Variants in CD96 observed in about 807,000 individuals in gnomAD.
CD96 encodes the protein CD96 molecule.
CD96 carries 70 observed loss-of-function variants against 71.3 expected under a neutral mutation model. That is an observed-to-expected ratio of 0.98 (90% confidence interval 0.81 to 1.20). The LOEUF (loss-of-function observed/expected upper bound fraction) is 1.20. Among genes scored for constraint, CD96 ranks in the 50% most tolerant of loss-of-function variants. The probability of loss-of-function intolerance (pLI) is 0.00; values close to 1 mark genes in which losing one functional copy is unlikely to be tolerated. For synonymous variants in CD96, 248 were observed against 233.0 expected, an observed-to-expected ratio of 1.06 and a Z score of -0.59; for missense variants, 742 against 677.5, an observed-to-expected ratio of 1.10 and a Z score of -1.06.
intron 2 of CD96, among the ~76,000 whole-genome samples, chr3:111,560,089 A>G (rs1392570737): frequency 1.4e-5 from 2 of 146,016 alleles, no homozygotes; most frequent in African/African-American, 5.0e-5. Flanking sequence ...TTTTATTTTG[A>G]GCCTATATGT....
chr3:111,566,250 G>C (rs1293489523), intron 2 of CD96, among the ~76,000 whole-genome samples: 6 of 151,778 alleles, frequency 4.0e-5, no homozygotes, highest in African/African-American at 1.2e-4. Context: ...TTATACCTCA[G>C]AGAATTTATC....
intron 5 of CD96, among the ~76,000 whole-genome samples, chr3:111,588,881 A>C (rs1331467918): frequency 1.3e-5 from 2 of 151,312 alleles, no homozygotes; most frequent in African/African-American, 4.9e-5. Context: ...AGTGAACTTC[A>C]TTTCAATAGT....
At chr3:111,661,420 T>G (rs1412263759) in intron 14 of CD96, among the ~76,000 whole-genome samples, 2 of 152,232 alleles carry the variant, frequency 1.3e-5, no homozygotes, top group Admixed American at 1.3e-4. Context: ...CCCAAAAGTC[T>G]TAACTCATTC....
downstream of CD96, among the ~76,000 whole-genome samples, chr3:111,654,096 C>T (rs1043768973): frequency 6.6e-6 from 1 of 152,126 alleles, no homozygotes; most frequent in African/African-American, 2.4e-5. Context: ...GGCTTTGAAC[C>T]TGAAGGTTGA....
chr3:111,578,269 AG>A (rs944607063), intron 3 of CD96, among the ~76,000 whole-genome samples: 44 of 152,316 alleles, frequency 2.9e-4, no homozygotes, highest in Middle Eastern at 3.4e-3. Context: ...AGAGAATAAT[AG>A]GGCTTTTCAT....
chr3:111,561,811 G>A (rs1444459053), intron 2 of CD96, among the ~76,000 whole-genome samples: 3 of 150,766 alleles, frequency 2.0e-5, no homozygotes, highest in African/African-American at 4.9e-5. Context: ...CCCCAGCCTC[G>A]CTGCCGACTT....
intron 8 of CD96, among the ~76,000 whole-genome samples, chr3:111,612,122 T>C (rs757488504): frequency 2.0e-5 from 3 of 152,216 alleles, no homozygotes; most frequent in Non-Finnish European, 2.9e-5. Context: ...TTTTTTTGTA[T>C]GTGGGAAAAT....
At chr3:111,543,507 C>G (rs1934215836) in intron 1 of CD96, among the ~76,000 whole-genome samples, 1 of 152,048 alleles carries the variant, frequency 6.6e-6, no homozygotes, top group East Asian at 1.9e-4. Flanking sequence ...ATTTCTTACT[C>G]TAATCAACTA....
chr3:111,594,030 A>C, intron 5 of CD96: 1 of 1,614,102 alleles, frequency 6.2e-7, no homozygotes, highest in Non-Finnish European at 8.5e-7. Context: ...AAATATTCCC[A>C]TGCCTCAGAG....
intron 14 of CD96, among the ~76,000 whole-genome samples, chr3:111,659,321 A>G (rs973709897): frequency 1.3e-5 from 2 of 151,954 alleles, no homozygotes; most frequent in Non-Finnish European, 2.9e-5. Context: ...TTTTTTGAAG[A>G]ACCTACTTTT....
chr3:111,558,685 C>T (rs1376578169), intron 2 of CD96, among the ~76,000 whole-genome samples: 55 of 126,916 alleles, frequency 4.3e-4, no homozygotes, highest in Admixed American at 3.1e-3. Flanking sequence ...GGTTGTGTCT[C>T]TGCCCGGCTT....
At chr3:111,605,410 G>A (rs1937595198) in intron 7 of CD96, among the ~76,000 whole-genome samples, 1 of 152,192 alleles carries the variant, frequency 6.6e-6, no homozygotes, top group Non-Finnish European at 1.5e-5. Flanking sequence ...TTATTGGATA[G>A]AGGGGATTAT....
At chr3:111,662,462 C>A (rs779669311) in intron 14 of CD96, among the ~76,000 whole-genome samples, 16 of 152,204 alleles carry the variant, frequency 1.1e-4, no homozygotes, top group Non-Finnish European at 1.3e-4. Flanking sequence ...ACAAATTTTC[C>A]AACCTTTTAT....
intron 3 of CD96, chr3:111,570,742 C>G: frequency 2.5e-6 from 4 of 1,613,456 alleles, no homozygotes; most frequent in Non-Finnish European, 3.4e-6. Context: ...TCCAGATACT[C>G]TTCCTCCTCC....
chr3:111,547,641 C>T (rs750699169), intron 2 of CD96, among the ~76,000 whole-genome samples: 13 of 152,012 alleles, frequency 8.6e-5, no homozygotes, highest in Non-Finnish European at 1.9e-4. Flanking sequence ...TAAAGAGAAC[C>T]AAGGGAGTTA....
intron 8 of CD96, among the ~76,000 whole-genome samples, chr3:111,620,346 A>C (rs978760055): frequency 6.6e-6 from 1 of 152,206 alleles, no homozygotes; most frequent in African/African-American, 2.4e-5. Context: ...AACAAACAAA[A>C]AAAATGTATG....
intron 10 of CD96, among the ~76,000 whole-genome samples, chr3:111,631,240 A>C (rs1392092193): frequency 6.6e-6 from 1 of 152,212 alleles, no homozygotes; most frequent in Admixed American, 6.5e-5. Flanking sequence ...TTCTATATCT[A>C]GAAAATCACA....
At chr3:111,588,012 A>G (rs1198914470) in intron 5 of CD96, among the ~76,000 whole-genome samples, 2 of 152,168 alleles carry the variant, frequency 1.3e-5, no homozygotes, top group South Asian at 2.1e-4. Flanking sequence ...CATTTTCCCC[A>G]TTGCCTTGAT....
chr3:111,564,294 C>T (rs1318365880), intron 2 of CD96, among the ~76,000 whole-genome samples: 2 of 151,540 alleles, frequency 1.3e-5, no homozygotes, highest in African/African-American at 2.4e-5. Context: ...CTTTGCATAT[C>T]ATTTCCTTTG....
Sources: allele counts gnomAD v4.1 joint callset (sites outside exome capture counted in the v4.1 genomes callset), GRCh38; gene constraint gnomAD v4.1.1; transcripts MANE v1.5; gene names NCBI Gene and HGNC (gene_info 2026-07-23, HGNC 2026-07-21).